RPS6KC1: variants seen among roughly 807,000 people sequenced by gnomAD.
RPS6KC1 encodes the protein inactive ribosomal protein S6 kinase delta-1.
A neutral mutation model predicts 103.8 loss-of-function variants in RPS6KC1; 54 were observed. The observed-to-expected ratio is 0.52, with a 90% CI of 0.42 to 0.65. RPS6KC1 has a LOEUF of 0.65. Among genes scored for constraint, RPS6KC1 ranks in the 30% least tolerant of loss-of-function variants. The pLI, the probability that RPS6KC1 is intolerant of heterozygous loss-of-function variation, is 0.00. For synonymous variants in RPS6KC1, 439 were observed against 438.7 expected (o/e 1.00, Z -0.01); for missense variants, 1,151 against 1,253.8 (o/e 0.92, Z 1.24).
At chr1:213,774,309 C>G in the RPS6KC1 span, among the ~76,000 whole-genome samples, 5 of 152,208 alleles carry the variant, frequency 3.3e-5, no homozygotes, top group Non-Finnish European at 2.9e-5. Flanking sequence ...AGTCAGCTCC[C>G]AGTCCTCGGG....
At chr1:213,323,199 C>G in the RPS6KC1 span, among the ~76,000 whole-genome samples, 1 of 152,104 alleles carries the variant, frequency 6.6e-6, no homozygotes, top group African/African-American at 2.4e-5. Flanking sequence ...TCTGATTATA[C>G]TAGACCCACC....
At chr1:213,601,919 C>G in the RPS6KC1 span, among the ~76,000 whole-genome samples, 2,363 of 129,124 alleles carry the variant, frequency 0.018, 69 homozygotes, top group Middle Eastern at 0.045. Context: ...TCCCTTCCCT[C>G]CCTCCCTCCC....
the RPS6KC1 span, among the ~76,000 whole-genome samples, chr1:213,438,300 A>T: frequency 6.6e-6 from 1 of 152,104 alleles, no homozygotes; most frequent in African/African-American, 2.4e-5. Context: ...CCGTAGTCTC[A>T]GTCATTTGGT....
chr1:213,603,443 G>A, the RPS6KC1 span, among the ~76,000 whole-genome samples: 1 of 152,248 alleles, frequency 6.6e-6, no homozygotes, highest in Non-Finnish European at 1.5e-5. Context: ...GGCAGCAGAG[G>A]TGAAGTCAGG....
intron 8 of RPS6KC1, among the ~76,000 whole-genome samples, chr1:213,179,710 G>A (rs1410053348): frequency 6.6e-6 from 1 of 152,068 alleles, no homozygotes; most frequent in Admixed American, 6.5e-5. Context: ...GAATTGAACT[G>A]CATTAGGATT....
the RPS6KC1 span, among the ~76,000 whole-genome samples, chr1:213,656,337 G>A: frequency 0.046 from 7,040 of 152,284 alleles, 263 homozygotes; most frequent in East Asian, 0.16. Flanking sequence ...ATTACAAAAC[G>A]TGACAGCACT....
chr1:213,583,305 T>C, the RPS6KC1 span, among the ~76,000 whole-genome samples: 3 of 152,216 alleles, frequency 2.0e-5, no homozygotes, highest in Non-Finnish European at 2.9e-5. Flanking sequence ...GCATAGTAAG[T>C]GTTTGTTTAG....
At chr1:213,278,629 T>G (rs1386096615), downstream of RPS6KC1, among the ~76,000 whole-genome samples, 1 of 152,168 alleles carries the variant, frequency 6.6e-6, no homozygotes, top group African/African-American at 2.4e-5. Flanking sequence ...TCATCCCCTC[T>G]TCATCCACCC....
At chr1:213,628,255 A>C in the RPS6KC1 span, among the ~76,000 whole-genome samples, 1 of 152,108 alleles carries the variant, frequency 6.6e-6, no homozygotes, top group Non-Finnish European at 1.5e-5. Flanking sequence ...TTTCTGTGGG[A>C]TCGGAGGTGA....
the RPS6KC1 span, among the ~76,000 whole-genome samples, chr1:213,765,074 C>T: frequency 6.6e-5 from 10 of 152,286 alleles, no homozygotes; most frequent in South Asian, 1.0e-3. Flanking sequence ...TCTCCACAGC[C>T]ACCGAGGGAA....
chr1:213,265,075 C>T (rs1021472849), intron 14 of RPS6KC1, among the ~76,000 whole-genome samples: 1 of 152,134 alleles, frequency 6.6e-6, no homozygotes, highest in Non-Finnish European at 1.5e-5. Context: ...AACAAATTTT[C>T]ATGCCCTCAT....
chr1:213,465,673 TA>T, the RPS6KC1 span, among the ~76,000 whole-genome samples: 4 of 152,220 alleles, frequency 2.6e-5, no homozygotes, highest in Admixed American at 1.3e-4. Flanking sequence ...GAAATACAAT[TA>T]ACTTTTTCTA....
At chr1:213,396,510 C>T in the RPS6KC1 span, among the ~76,000 whole-genome samples, 6 of 152,204 alleles carry the variant, frequency 3.9e-5, no homozygotes, top group East Asian at 1.9e-4. Context: ...GCTGGACCAC[C>T]GAACACGTGT....
chr1:213,834,970 A>G, the RPS6KC1 span, among the ~76,000 whole-genome samples: 3 of 152,212 alleles, frequency 2.0e-5, no homozygotes, highest in Admixed American at 6.5e-5. Context: ...AGGGAAATAG[A>G]TAATAGACGA....
intron 2 of RPS6KC1, among the ~76,000 whole-genome samples, chr1:213,077,149 C>T (rs1011554330): frequency 3.3e-5 from 5 of 152,208 alleles, no homozygotes; most frequent in African/African-American, 7.2e-5. Context: ...GGATTATAGG[C>T]GTGAACCACT....
chr1:213,444,666 A>G, the RPS6KC1 span, among the ~76,000 whole-genome samples: 1 of 150,098 alleles, frequency 6.7e-6, no homozygotes, highest in Non-Finnish European at 1.5e-5. Flanking sequence ...CTGAGGCAGG[A>G]GAATCACCTG....
chr1:213,801,953 G>A, the RPS6KC1 span, among the ~76,000 whole-genome samples: 1 of 152,208 alleles, frequency 6.6e-6, no homozygotes, highest in Non-Finnish European at 1.5e-5. Flanking sequence ...CAACTGCCCA[G>A]TAGATTACTT....
intron 3 of RPS6KC1, among the ~76,000 whole-genome samples, chr1:213,094,130 CG>C (rs2081244351): frequency 6.6e-6 from 1 of 150,600 alleles, no homozygotes; most frequent in African/African-American, 2.5e-5. Context: ...CATATATATA[CG>C]TTTTTTTCCA....
chr1:213,097,915 T>A (rs1016278062), intron 3 of RPS6KC1, among the ~76,000 whole-genome samples: 90 of 152,330 alleles, frequency 5.9e-4, no homozygotes, highest in African/African-American at 2.1e-3. Context: ...ATTAGAGAGT[T>A]AGGGCCTTGC....
Sources: gnomAD v4.1 joint callset for allele counts (sites outside exome capture counted in the v4.1 genomes callset) on GRCh38, gnomAD v4.1.1 for gene constraint, MANE v1.5 for transcripts, NCBI Gene and HGNC (gene_info 2026-07-23, HGNC 2026-07-21) for gene names.